The following TUFT1 variants were observed in gnomAD, a reference collection of about 807,000 sequenced individuals.
TUFT1 encodes the protein tuftelin 1.
A neutral mutation model predicts 57.8 loss-of-function variants in TUFT1; 43 were observed. The ratio of observed to expected loss-of-function variants is 0.74; its 90% CI spans 0.58 to 0.96. The LOEUF is 0.96. Ranked by LOEUF, TUFT1 falls within the 40% of genes least tolerant of loss-of-function variation. The pLI is 0.00. For synonymous variants in TUFT1, 166 were observed against 176.7 expected, an observed-to-expected ratio of 0.94 and a Z score of 0.48; for missense variants, 459 against 489.0, an observed-to-expected ratio of 0.94 and a Z score of 0.58.
Position 151,582,040 on chromosome 1 carries a change from G to A in TUFT1, c.*333G>A, listed in dbSNP as rs11204852. ...GGACTCTGGCTGTGCCATAAGCCAG[G>A]CCTTCATCAGATTGGGAGAGGTGAC... On this transcript the variant is annotated 3_prime_UTR_variant, in exon 13 of 13. Transcript: ENST00000368849. 2,799 of 540,760 alleles carry A rather than the reference G, an allele frequency of 5.2e-3. 66 individuals carry two copies. The highest frequency in any genetic ancestry group is 0.045 in the African/African-American group (2,414 of 53,318). The allele number at this position is 540,760 out of a possible 1,614,324, so 33.5% of individuals were successfully genotyped here.
chr1:151,542,025 G>T (rs189393677), intron 1 of TUFT1, among the ~76,000 whole-genome samples: 2 of 152,132 alleles, frequency 1.3e-5, no homozygotes, highest in Admixed American at 1.3e-4. Flanking sequence ...CCATGCTCTT[G>T]CTCTCTCTTT....
chr1:151,562,815 A>T lies in TUFT1; in HGVS notation c.237+129A>T, dbSNP rs149216336. 1.6e-4 allele frequency: 115 copies of T among 707,934 alleles called. No individual in the cohort carries two copies. The East Asian group carries it at 3.1e-3, about 19-fold the overall frequency. The allele number at this position is 707,934 out of a possible 1,614,324, so 43.9% of individuals were successfully genotyped here. ...TGGAAGGAACCAGACCTGAGCTGCT[A>T]GTTCCTGGCAATCTCCTAGAAATAT... On this transcript the variant is annotated intron_variant, in intron 3 of 12. Coordinates refer to ENST00000368849, the MANE Select transcript of TUFT1 (RefSeq NM_020127.3).
intron 11 of TUFT1, among the ~76,000 whole-genome samples, chr1:151,580,615 T>G (rs1022253812): frequency 1.5e-5 from 2 of 130,826 alleles, no homozygotes; most frequent in African/African-American, 5.9e-5. Context: ...TGAGCTATAA[T>G]CACGCCACTG....
chr1:151,560,776 C>T (rs957665034), intron 1 of TUFT1, among the ~76,000 whole-genome samples: 2 of 152,156 alleles, frequency 1.3e-5, no homozygotes, highest in Non-Finnish European at 2.9e-5. Flanking sequence ...CCTTATTTTT[C>T]CAGTGGGAAC....
intron 1 of TUFT1, chr1:151,557,533 A>G: frequency 8.1e-7 from 1 of 1,241,184 alleles, no homozygotes; most frequent in South Asian, 1.2e-5. Context: ...CCACATGCCT[A>G]AGCACCGGGA....
At chr1:151,564,133 G>A (rs1022498662) in intron 4 of TUFT1, 143 bp downstream of exon 4, 6 of 654,666 alleles carry the variant, frequency 9.2e-6, no homozygotes, top group Admixed American at 5.9e-5. Context: ...CCTCCCGTGT[G>A]TCAAATATAT....
At position 151,574,309 on chromosome 1, in the gene TUFT1, A is replaced by T. The variant is rs748949200; in HGVS notation, c.634A>T (p.Asn212Tyr). ...SRYQREAEQS[N>Y]VALQREEDRV... ...GTACCAGAGGGAAGCAGAACAAAGT[A>T]ATGTGGCCCTTCAGAGAGAGGAGGA... is the stretch of plus-strand genomic sequence containing the variant. The change falls in exon 8 of 13, where the codon AAT becomes TAT. Residue 212 changes from asparagine (N) to tyrosine (Y), a missense_variant. Transcript: ENST00000368849. 8.7e-6 allele frequency: 14 copies of T among 1,614,050 alleles called. No individual in the cohort carries two copies. Among genetic ancestry groups the T allele is most frequent in the Non-Finnish European group, 1.2e-5 (14 of 1,180,030 alleles).
Position 151,562,108 on chromosome 1 carries a change from C to T in TUFT1, c.78C>T (p.Leu26=), listed in dbSNP as rs765507681. ...ATTATTAGGGCAGCGTGGACATTCT[C>T]AGGCTGACTCTCCAGGGTGAACTGA... ...EDQAAGSVDI[L]RLTLQGELTG... Residue 26 remains leucine (L), a synonymous_variant, in exon 2 of 13, where the codon CTC becomes CTT. Coordinates refer to ENST00000368849, the MANE Select transcript of TUFT1 (RefSeq NM_020127.3). 1.2e-6 allele frequency: 2 copies of T among 1,614,158 alleles called. No homozygotes were observed. Among genetic ancestry groups the T allele is most frequent in the African/African-American group, 1.3e-5 (1 of 75,056 alleles).
intron 6 of TUFT1, among the ~76,000 whole-genome samples, chr1:151,568,033 A>G (rs746329137): frequency 3.9e-5 from 6 of 152,174 alleles, no homozygotes; most frequent in Non-Finnish European, 8.8e-5. Context: ...ATGCAAATAT[A>G]TATTTACCAT....
At chr1:151,554,023 G>A (rs1665592785) in intron 1 of TUFT1, among the ~76,000 whole-genome samples, 2 of 135,348 alleles carry the variant, frequency 1.5e-5, no homozygotes, top group South Asian at 4.7e-4. Context: ...CTGGCTGGCT[G>A]TCTCCCTTTC....
intron 1 of TUFT1, chr1:151,557,399 C>T: frequency 1.2e-6 from 1 of 830,550 alleles, no homozygotes; most frequent in South Asian, 1.5e-5. Flanking sequence ...CTTAGAAAAC[C>T]TAAGAGGGGC....
intron 1 of TUFT1, among the ~76,000 whole-genome samples, chr1:151,549,603 C>T (rs558786402): frequency 5.3e-5 from 8 of 152,296 alleles, no homozygotes; most frequent in Non-Finnish European, 7.4e-5. Context: ...CCTAAAATGT[C>T]GGTTGTGAAA....
intron 12 of TUFT1, 35 bp downstream of exon 12, chr1:151,581,077 G>C (rs770247264): frequency 6.3e-7 from 1 of 1,584,394 alleles, no homozygotes; most frequent in Non-Finnish European, 8.7e-7. Flanking sequence ...TGGGGCCAGG[G>C]AGGAGGGGAG....
Position 151,566,101 on chromosome 1 carries a change from A to C in TUFT1, c.415-62A>C, listed in dbSNP as rs1666067755. 4 of 1,206,984 alleles carry C rather than the reference A, an allele frequency of 3.3e-6. No homozygotes were observed. In the East Asian group the frequency reaches 1.3e-4, roughly 40 times the overall value. The allele number at this position is 1,206,984 out of a possible 1,614,324, so 74.8% of individuals were successfully genotyped here. On this transcript the variant is annotated intron_variant, in intron 5 of 12. Coordinates refer to ENST00000368849, the MANE Select transcript of TUFT1 (RefSeq NM_020127.3). ...TCTAAGATTTGAGTGTTAGGAGAAT[A>C]ATGTTTCAAAGTTGGTTGCTTTCAT...
At chr1:151,544,742 A>G (rs1465899382) in intron 1 of TUFT1, among the ~76,000 whole-genome samples, 1 of 152,232 alleles carries the variant, frequency 6.6e-6, no homozygotes, top group Non-Finnish European at 1.5e-5. Context: ...TTAAAAGAAA[A>G]TAGCAGTCCC....
intron 1 of TUFT1, among the ~76,000 whole-genome samples, chr1:151,557,176 T>C (rs138598831): frequency 6.6e-6 from 1 of 152,308 alleles, no homozygotes; most frequent in African/African-American, 2.4e-5. Context: ...ATACATTATG[T>C]ATACATAGGT....
At chr1:151,573,404 G>A (rs930661081) in intron 7 of TUFT1, among the ~76,000 whole-genome samples, 3 of 152,136 alleles carry the variant, frequency 2.0e-5, no homozygotes, top group African/African-American at 7.2e-5. Flanking sequence ...GAAGAAAGGA[G>A]GCAAGTTCTT....
intron 1 of TUFT1, among the ~76,000 whole-genome samples, chr1:151,552,707 C>CA (rs869244649): frequency 0.23 from 12,239 of 53,440 alleles, 4,978 homozygotes; most frequent in East Asian, 0.48. Context: ...GACTCTGTCT[C>CA]AAAAAAAAAA....
intron 1 of TUFT1, chr1:151,541,033 G>A (rs1171308974): frequency 6.6e-6 from 1 of 152,324 alleles, no homozygotes; most frequent in Admixed American, 6.5e-5. Flanking sequence ...TTCCGCCCGG[G>A]GGTCACCTCT....
Sources: gnomAD v4.1 joint callset for allele counts (sites outside exome capture counted in the v4.1 genomes callset) on GRCh38, gnomAD v4.1.1 for gene constraint, MANE v1.5 for transcripts, NCBI Gene and HGNC (gene_info 2026-07-23, HGNC 2026-07-21) for gene names.